The following C12orf50 variants were observed in gnomAD, a reference collection of about 807,000 sequenced individuals.
C12orf50 encodes the protein uncharacterized protein C12orf50.
Under a neutral mutation model 61.6 loss-of-function variants are expected in C12orf50, and 35 were observed. The observed-to-expected ratio is 0.57, with a 90% confidence interval of 0.43 to 0.75. C12orf50 has a LOEUF of 0.75. Ranked by LOEUF, C12orf50 falls within the 30% of genes least tolerant of loss-of-function variation. The probability of loss-of-function intolerance (pLI) is 0.00; values close to 1 mark genes in which losing one functional copy is unlikely to be tolerated. For synonymous variants in C12orf50, 178 were observed against 161.5 expected (o/e 1.10, Z -0.77); for missense variants, 475 against 488.5 (o/e 0.97, Z 0.26).
chr12:88,006,878 G>A (rs565038593), intron 3 of C12orf50, among the ~76,000 whole-genome samples: 59 of 152,336 alleles, frequency 3.9e-4, no homozygotes, highest in African/African-American at 1.4e-3. Context: ...TAAACAGAGA[G>A]GTGGTGAAAG....
chr12:88,015,775 T>C (rs1406416023), intron 3 of C12orf50, among the ~76,000 whole-genome samples: 1 of 152,168 alleles, frequency 6.6e-6, no homozygotes, highest in East Asian at 1.9e-4. Flanking sequence ...CTTTTAAACT[T>C]AGAAATGATA....
intron 3 of C12orf50, among the ~76,000 whole-genome samples, chr12:88,012,594 G>T (rs2032152979): frequency 6.6e-6 from 1 of 152,088 alleles, no homozygotes; most frequent in African/African-American, 2.4e-5. Flanking sequence ...TTTGGTTAGG[G>T]CATTAGGGCA....
At position 87,996,615 on chromosome 12, in the gene C12orf50, T is replaced by A; in HGVS notation, c.321A>T (p.Glu107Asp). The A allele has an allele frequency of 6.2e-6, 10 of 1,610,074 alleles. No homozygotes were observed. The highest frequency in any genetic ancestry group is 8.5e-6 in the Non-Finnish European group (10 of 1,176,840). The change falls in exon 5 of 13, where the codon GAA (glutamate) becomes GAT (aspartate). Residue 107 changes from glutamate (E) to aspartate (D), a missense_variant. Physicochemically the swap from Glu to Asp is conservative, Grantham distance 45. Coordinates refer to ENST00000298699, the MANE Select transcript of C12orf50 (RefSeq NM_152589.3). ...TTATTGCTCTTTTTTCTTCAATTTC[T>A]TCAGGGGTCTTTGTCCATAAACTAG... ...DASSLWTKTP[E>D]EIEEKRAIKE...
rs560914061 is a variant in C12orf50 at position 87,980,089 on chromosome 12, T to C, written c.*242A>G. 4 of 492,646 alleles carry C rather than the reference T, an allele frequency of 8.1e-6. No homozygotes were observed. The South Asian group carries it at 1.5e-4, about 19-fold the overall frequency. 30.5% of individuals were successfully genotyped at this position (492,646 alleles called of 1,614,324 possible). A position where few individuals can be genotyped will look rare whatever the true frequency, so the allele number is the denominator to read the frequency against. ...AAAATGTTTGGAGTAATGCACGGAA[T>C]GAATTCCAGACCTACATAAATACAC... is the stretch of plus-strand genomic sequence containing the variant. On this transcript the variant is annotated 3_prime_UTR_variant, in exon 13 of 13. Transcript: ENST00000298699.
Position 88,026,535 on chromosome 12 carries a change from T to C in C12orf50, c.86A>G (p.His29Arg). The change falls in exon 3 of 13, where the codon CAC (histidine) becomes CGC (arginine). Residue 29 changes from histidine (H) to arginine (R), a missense_variant. Transcript: ENST00000298699. The stretch of plus-strand genomic sequence containing the variant: ...TCCATTGATATTTCGAGGTTTGCTG[T>C]GATAAAAGATACAGCTGATCTTCAC... ...GCVKISCIFY[H>R]SKPRNINGLF... 1 of 1,613,938 alleles carries C rather than the reference T, an allele frequency of 6.2e-7. No homozygotes were observed. Among genetic ancestry groups the C allele is most frequent in the Non-Finnish European group, 8.5e-7 (1 of 1,179,980 alleles).
At chr12:87,989,906 TA>T (rs1319096029) in intron 7 of C12orf50, among the ~76,000 whole-genome samples, 1 of 152,172 alleles carries the variant, frequency 6.6e-6, no homozygotes, top group Non-Finnish European at 1.5e-5. Context: ...GCAGAACTAG[TA>T]AAATAATACT....
intron 3 of C12orf50, among the ~76,000 whole-genome samples, chr12:88,021,189 G>C (rs1404569856): frequency 6.6e-6 from 1 of 151,688 alleles, no homozygotes; most frequent in Non-Finnish European, 1.5e-5. Context: ...AATTAGGGCT[G>C]AACTGAAGGA....
chr12:87,992,301 T>C (rs7972357), intron 7 of C12orf50, among the ~76,000 whole-genome samples: 11,558 of 152,200 alleles, frequency 0.076, 1,211 homozygotes, highest in African/African-American at 0.24. Context: ...CGAGGAGCAA[T>C]GGTTCAGTGT....
intron 3 of C12orf50, among the ~76,000 whole-genome samples, chr12:88,024,016 A>T (rs887350370): frequency 1.3e-5 from 2 of 152,266 alleles, no homozygotes; most frequent in African/African-American, 4.8e-5. Context: ...TGGCCAAAGC[A>T]TAGGAAAAAA....
intron 3 of C12orf50, among the ~76,000 whole-genome samples, chr12:88,007,178 G>GA (rs1465463616): frequency 1.3e-5 from 2 of 151,850 alleles, no homozygotes; most frequent in African/African-American, 2.4e-5. Context: ...CAATATCTTA[G>GA]AAAAAAACCC....
At chr12:87,998,286 T>TATTGTACAC in intron 3 of C12orf50, 96 bp from the exon 4 acceptor site, 1 of 870,458 alleles carries the variant, frequency 1.1e-6, no homozygotes, top group Non-Finnish European at 1.7e-6. Flanking sequence ...AACTATATAT[T>TATTGTACAC]ATTTTAAAAT....
chr12:87,982,469 G>A (rs952658470), intron 12 of C12orf50, among the ~76,000 whole-genome samples: 11 of 152,244 alleles, frequency 7.2e-5, no homozygotes, highest in Admixed American at 5.9e-4. Flanking sequence ...AGAAGTAATC[G>A]AAAGCATTTT....
At chr12:88,019,894 T>A (rs1171261185) in intron 3 of C12orf50, among the ~76,000 whole-genome samples, 1 of 152,068 alleles carries the variant, frequency 6.6e-6, no homozygotes, top group African/African-American at 2.4e-5. Context: ...TCAGCATTCT[T>A]AGAGAAAAAA....
intron 4 of C12orf50, among the ~76,000 whole-genome samples, chr12:87,997,359 T>C (rs2031442203): frequency 6.6e-6 from 1 of 152,112 alleles, no homozygotes; most frequent in Admixed American, 6.6e-5. Context: ...AAACATAGCT[T>C]ATTAGTATCT....
At chr12:87,990,869 T>C (rs2031088636) in intron 7 of C12orf50, among the ~76,000 whole-genome samples, 1 of 152,158 alleles carries the variant, frequency 6.6e-6, no homozygotes, top group Non-Finnish European at 1.5e-5. Context: ...CTGACTCCCA[T>C]ACTTTTCAGG....
At position 87,987,971 on chromosome 12, in the gene C12orf50, T is replaced by C; in HGVS notation, c.701-5A>G. The C allele has an allele frequency of 6.5e-7, 1 of 1,528,930 alleles. No individual in the cohort carries two copies. The highest frequency in any genetic ancestry group is 9.0e-7 in the Non-Finnish European group (1 of 1,116,296). 94.7% of individuals were successfully genotyped at this position (1,528,930 alleles called of 1,614,324 possible). On this transcript the variant is annotated splice_polypyrimidine_tract_variant and splice_region_variant and intron_variant, in intron 8 of 12. Coordinates refer to ENST00000298699, the MANE Select transcript of C12orf50 (RefSeq NM_152589.3). ...GATGAGGACTGTCCTTGTTATCTTT[T>C]AAAGCAAATTAAGAAAATAAAATGT...
At chr12:88,001,480 T>C (rs2031651868) in intron 3 of C12orf50, among the ~76,000 whole-genome samples, 1 of 151,410 alleles carries the variant, frequency 6.6e-6, no homozygotes, top group Non-Finnish European at 1.5e-5. Context: ...GCAGTTTTCG[T>C]CTGATGTCTT....
At chr12:88,028,374 T>C (rs2032782885) in intron 1 of C12orf50, among the ~76,000 whole-genome samples, 1 of 152,186 alleles carries the variant, frequency 6.6e-6, no homozygotes. Context: ...ACCAGACATA[T>C]CATCTTTTTC....
intron 3 of C12orf50, among the ~76,000 whole-genome samples, chr12:88,023,191 G>T (rs927040016): frequency 6.6e-6 from 1 of 151,906 alleles, no homozygotes; most frequent in Non-Finnish European, 1.5e-5. Context: ...AGAAAGTCTA[G>T]AAATAAAAGC....
Sources: allele counts gnomAD v4.1 joint callset (sites outside exome capture counted in the v4.1 genomes callset), GRCh38; gene constraint gnomAD v4.1.1; transcripts MANE v1.5; gene names NCBI Gene and HGNC (gene_info 2026-07-23, HGNC 2026-07-21).